The following HECTD4 variants were observed in gnomAD, a reference collection of about 807,000 sequenced individuals.
HECTD4 encodes the protein HECT domain E3 ubiquitin protein ligase 4, also known as probable E3 ubiquitin-protein ligase HECTD4.
Under a neutral mutation model 471.5 loss-of-function variants are expected in HECTD4, and 114 were observed. That is an observed-to-expected ratio of 0.24 (90% CI 0.21 to 0.28). HECTD4 has a LOEUF of 0.28. HECTD4 is among the 10% of genes least tolerant of loss of function. HECTD4 has a pLI of 1.00. For missense variants in HECTD4, 3,866 were observed against 5,651.5 expected (o/e 0.68, Z 10.13); for synonymous variants, 2,012 against 2,256.0 (o/e 0.89, Z 3.07).
intron 7 of HECTD4, among the ~76,000 whole-genome samples, chr12:112,293,351 C>A (rs527593379): frequency 4.2e-5 from 5 of 119,812 alleles, no homozygotes; most frequent in Admixed American, 2.0e-4. Context: ...GGCAACAGAG[C>A]AAGACTCTGT....
At chr12:112,268,777 A>C (rs1300921117) in intron 13 of HECTD4, among the ~76,000 whole-genome samples, 1 of 150,588 alleles carries the variant, frequency 6.6e-6, no homozygotes, top group Admixed American at 6.7e-5. Context: ...AAAGAAAAAA[A>C]GTTCACTGAA....
intron 1 of HECTD4, among the ~76,000 whole-genome samples, chr12:112,329,370 G>GTTT (rs72342162): frequency 7.6e-6 from 1 of 131,082 alleles, no homozygotes. Context: ...TGGGTTTTTT[G>GTTT]TTTTTTTTTT....
intron 62 of HECTD4, among the ~76,000 whole-genome samples, chr12:112,182,791 G>A (rs2137025237): frequency 6.6e-6 from 1 of 152,366 alleles, no homozygotes; most frequent in Non-Finnish European, 1.5e-5. Context: ...CTGGGAGAAG[G>A]GGGAACATTT....
intron 72 of HECTD4, 100 bp from the exon 73 acceptor site, chr12:112,164,375 C>T (rs1566056445): frequency 3.9e-6 from 5 of 1,269,510 alleles, no homozygotes; most frequent in Non-Finnish European, 5.5e-6. Context: ...CTGGTGGGGT[C>T]TACCCTCGGC....
At chr12:112,340,092 A>G (rs149695398) in intron 1 of HECTD4, among the ~76,000 whole-genome samples, 178 of 152,272 alleles carry the variant, frequency 1.2e-3, no homozygotes, top group African/African-American at 3.8e-3. Flanking sequence ...AGTATTTTCA[A>G]TTTATGATGG....
intron 2 of HECTD4, among the ~76,000 whole-genome samples, 187 bp from the exon 3 acceptor site, chr12:112,314,733 A>G (rs1243110738): frequency 1.3e-5 from 2 of 152,268 alleles, no homozygotes; most frequent in Non-Finnish European, 2.9e-5. Context: ...ATACACAAAG[A>G]TACAATGAAA....
In HECTD4 at chr12:112,247,977, T is replaced by TACACACACACACACACAC. The variant is rs59881558; in HGVS notation, c.4248+72_4248+89dup. On this transcript the variant is annotated intron_variant, in intron 27 of 75. Transcript: ENST00000682272. Reference sequence around the variant, plus strand: ...TTTTAGGAAATGACATTATTTTACCTACACACACACACACACACACACACA... The same window carrying TACACACACACACACACAC: ...TTTTAGGAAATGACATTATTTTACCTACACACACACACACACACACACACACACACACACACACACACA... 38 of 677,702 alleles carry TACACACACACACACACAC rather than the reference T, an allele frequency of 5.6e-5. No individual in the cohort carries two copies. In the East Asian group the frequency reaches 8.7e-4, roughly 16 times the overall value. The allele number at this position is 677,702 out of a possible 1,614,324, so 42.0% of individuals were successfully genotyped here. A position where few individuals can be genotyped will look rare whatever the true frequency, so the allele number is the denominator to read the frequency against.
At position 112,163,061 on chromosome 12, in the gene HECTD4, G is replaced by A; in HGVS notation, c.13101C>T (p.Ala4367=). Reference sequence around the variant, plus strand: ...CGGTACCTGCTGTGCCATCTGGGGGGGCGATCTTCATGGGGTACGGGGGCA... The same window carrying A: ...CGGTACCTGCTGTGCCATCTGGGGGAGCGATCTTCATGGGGTACGGGGGCA... ...AHVPPYPMKI[A]PPDGTAGSPD... is the part of the protein sequence containing the mutation. Residue 4367 remains alanine (A), a synonymous_variant, in exon 75 of 76, where the codon GCC becomes GCT. Transcript: ENST00000682272. The surrounding 1 kb of genome is among the most constrained non-coding windows in gnomAD (Gnocchi z 8.2). 1 of 1,612,116 alleles carries A rather than the reference G, an allele frequency of 6.2e-7. No homozygotes were observed. The highest frequency in any genetic ancestry group is 2.2e-5 in the East Asian group (1 of 44,830).
At chr12:112,225,127 C>T (rs969702255) in intron 44 of HECTD4, among the ~76,000 whole-genome samples, 5 of 152,044 alleles carry the variant, frequency 3.3e-5, no homozygotes, top group African/African-American at 1.2e-4. Flanking sequence ...GGAGCTTCTG[C>T]TGAATCCAAG....
chr12:112,216,516 C>A (rs945909485), intron 47 of HECTD4, 145 bp from the exon 48 acceptor site: 72 of 680,946 alleles, frequency 1.1e-4, no homozygotes, highest in Non-Finnish European at 5.5e-5. Flanking sequence ...AAAATACCCA[C>A]ACCAATATTT....
At chr12:112,377,044 G>A (rs1187728236) in intron 1 of HECTD4, among the ~76,000 whole-genome samples, 5 of 152,188 alleles carry the variant, frequency 3.3e-5, no homozygotes, top group Admixed American at 3.3e-4. Context: ...CCCGGGAGGT[G>A]GAGGCTGCAG....
chr12:112,326,668 A>T (rs540399285), intron 1 of HECTD4, among the ~76,000 whole-genome samples: 8 of 152,306 alleles, frequency 5.3e-5, no homozygotes, highest in Admixed American at 5.2e-4. Flanking sequence ...GAGGATAGGC[A>T]TATAGACGCT....
intron 62 of HECTD4, among the ~76,000 whole-genome samples, chr12:112,181,993 G>C (rs550704785): frequency 6.6e-6 from 1 of 152,238 alleles, no homozygotes; most frequent in Non-Finnish European, 1.5e-5. Flanking sequence ...TGGGGAGGCT[G>C]AGGCAGGGAG....
intron 26 of HECTD4, 44 bp from the exon 27 acceptor site, chr12:112,248,215 A>C (rs995682162): frequency 1.3e-6 from 2 of 1,558,034 alleles, no homozygotes; most frequent in South Asian, 2.4e-5. Context: ...AACAAGTATG[A>C]TTCAAAATTT....
rs1555249111 is a variant in HECTD4 at position 112,194,597 on chromosome 12, T to C, written c.8749+288A>G. ...TCAAATAGAATGTCTGTGGCAACAA[T>C]ACAGTGACTTGGTTTCATAAGTAAT... is the stretch of plus-strand genomic sequence containing the variant. On this transcript the variant is annotated intron_variant, in intron 56 of 75. Coordinates refer to ENST00000682272, the MANE Select transcript of HECTD4 (RefSeq NM_001388303.1). This position sits in a 1 kb window ranked among gnomAD's most constrained non-coding sequence, Gnocchi z 4.6. Among the ~76,000 whole-genome samples the C allele has an allele frequency of 2.6e-5, 4 of 152,224 alleles. No individual in the cohort carries two copies. Among genetic ancestry groups the C allele is most frequent in the Non-Finnish European group, 5.9e-5 (4 of 68,046 alleles).
At chr12:112,242,465 T>C (rs2033661873) in intron 32 of HECTD4, among the ~76,000 whole-genome samples, 1 of 151,662 alleles carries the variant, frequency 6.6e-6, no homozygotes, top group African/African-American at 2.4e-5. Flanking sequence ...ATAAATACAT[T>C]AGCTGGGCAT....
chr12:112,237,916 G>A (rs759527115), intron 34 of HECTD4, among the ~76,000 whole-genome samples: 25 of 151,882 alleles, frequency 1.6e-4, no homozygotes, highest in Admixed American at 9.2e-4. Context: ...CACCATGCCC[G>A]GCTAATTTTG....
At chr12:112,177,103 G>A (rs555882714) in intron 64 of HECTD4, among the ~76,000 whole-genome samples, 2 of 152,312 alleles carry the variant, frequency 1.3e-5, no homozygotes, top group East Asian at 1.9e-4. Flanking sequence ...AGGGGCTGCT[G>A]TACCCACCAG....
rs769698977 is a variant in HECTD4, at chr12:112,190,921, G to A, written c.9337C>T (p.Pro3113Ser). 2 of 1,569,380 alleles carry A rather than the reference G, an allele frequency of 1.3e-6. No homozygotes were observed. Among genetic ancestry groups the A allele is most frequent in the East Asian group, 2.4e-5 (1 of 42,206 alleles). Residue 3113 changes from proline to serine, a missense_variant, in exon 60 of 76, where the codon CCC (proline) becomes TCC (serine). Coordinates refer to ENST00000682272, the MANE Select transcript of HECTD4 (RefSeq NM_001388303.1). Reference sequence around the variant, plus strand: ...GCCATAGCCAGTGGGAACTCCAGGGGCAGGGAATGTAACACCAGGACTGCT... The same window carrying A: ...GCCATAGCCAGTGGGAACTCCAGGGACAGGGAATGTAACACCAGGACTGCT... ...PGAVLVLHSLPLEFPLAMAFA... is the reference protein window; with the variant it reads ...PGAVLVLHSLSLEFPLAMAFA...
Sources: allele counts gnomAD v4.1 joint callset (sites outside exome capture counted in the v4.1 genomes callset), GRCh38; gene constraint gnomAD v4.1.1; non-coding constraint Gnocchi (gnomAD v3.1); transcripts MANE v1.5; gene names NCBI Gene and HGNC (gene_info 2026-07-23, HGNC 2026-07-21).